The following FKBP5 variants were observed in gnomAD, a reference collection of about 807,000 sequenced individuals.
FKBP5 encodes FKBP prolyl isomerase 5.
FKBP5 carries 23 observed loss-of-function variants against 50.5 expected under a neutral mutation model. The observed-to-expected ratio is 0.46, with a 90% CI of 0.33 to 0.65. The LOEUF is 0.65. FKBP5 is among the 30% of genes least tolerant of loss of function. The probability of loss-of-function intolerance (pLI) is 0.02; values close to 1 mark genes in which losing one functional copy is unlikely to be tolerated. For synonymous variants in FKBP5, 176 were observed against 190.6 expected (o/e 0.92, Z 0.63); for missense variants, 411 against 553.1 (o/e 0.74, Z 2.58).
chr6:35,575,683 T>G lies in FKBP5; in HGVS notation c.*152A>C. The G allele has an allele frequency of 1.5e-6, 1 of 655,512 alleles. No homozygotes were observed. Among genetic ancestry groups the G allele is most frequent in the Non-Finnish European group, 2.7e-6 (1 of 366,256 alleles). The allele number at this position is 655,512 out of a possible 1,614,324, so 40.6% of individuals were successfully genotyped here. ...ACCCTCCGGGCAGCAGCAGGGGGGC[T>G]GTTTTTGGGAAGCTACTGGTTTTGC... is the stretch of plus-strand genomic sequence containing the variant. On this transcript the variant is annotated 3_prime_UTR_variant, in exon 11 of 11. Transcript: ENST00000357266.
rs78996577 is a variant in FKBP5 at position 35,586,375 on chromosome 6, A to G, written c.840+659T>C. The G allele has an allele frequency of 3.0e-3, 2,915 of 985,262 alleles. 43 individuals are homozygous for G. The African/African-American group carries it at 0.037, about 12-fold the overall frequency. The allele number at this position is 985,262 out of a possible 1,614,324, so 61.0% of individuals were successfully genotyped here. A position where few individuals can be genotyped will look rare whatever the true frequency, so the allele number is the denominator to read the frequency against. On this transcript the variant is annotated intron_variant, in intron 8 of 10. Transcript: ENST00000357266. Reference sequence around the variant, plus strand: ...CAAGTGTGCAGGAATCATCTTGGCCATTAGAAGCAATCAATACTCTCCTGT... The same window carrying G: ...CAAGTGTGCAGGAATCATCTTGGCCGTTAGAAGCAATCAATACTCTCCTGT...
chr6:35,595,313 A>G (rs1762955492), intron 6 of FKBP5, among the ~76,000 whole-genome samples: 1 of 152,136 alleles, frequency 6.6e-6, no homozygotes, highest in African/African-American at 2.4e-5. Context: ...TAATGTATAT[A>G]AACTGGTTCC....
At chr6:35,645,627 T>C (rs1348294391) in intron 1 of FKBP5, among the ~76,000 whole-genome samples, 1 of 152,194 alleles carries the variant, frequency 6.6e-6, no homozygotes, top group Admixed American at 6.5e-5. Context: ...GTCAGCCTTT[T>C]GGAATGTGAT....
intron 5 of FKBP5, among the ~76,000 whole-genome samples, chr6:35,612,937 T>C (rs1763534084): frequency 6.6e-6 from 1 of 152,220 alleles, no homozygotes; most frequent in Admixed American, 6.5e-5. Flanking sequence ...TGAAAACTAT[T>C]CCCATTTGAC....
chr6:35,723,946 T>G (rs1457638900), intron 1 of FKBP5, among the ~76,000 whole-genome samples: 2 of 152,258 alleles, frequency 1.3e-5, no homozygotes, highest in East Asian at 3.8e-4. Context: ...AAACCTAGTT[T>G]CTTGCCCTTA....
chr6:35,649,859 T>C (rs931566104), intron 1 of FKBP5, among the ~76,000 whole-genome samples: 4 of 152,220 alleles, frequency 2.6e-5, no homozygotes, highest in Non-Finnish European at 5.9e-5. Context: ...TTTAACCGTA[T>C]GGCTAAATAA....
At chr6:35,663,555 G>A (rs1412201794) in intron 1 of FKBP5, among the ~76,000 whole-genome samples, 3 of 152,086 alleles carry the variant, frequency 2.0e-5, no homozygotes, top group East Asian at 1.9e-4. Flanking sequence ...CTGATCACTC[G>A]CTATCTCTGA....
At chr6:35,621,462 A>G (rs1763836001) in intron 3 of FKBP5, among the ~76,000 whole-genome samples, 1 of 151,802 alleles carries the variant, frequency 6.6e-6, no homozygotes, top group Admixed American at 6.6e-5. Flanking sequence ...TACTAAAAAT[A>G]CAAAAATTAG....
intron 5 of FKBP5, among the ~76,000 whole-genome samples, chr6:35,614,507 T>C (rs1050115921): frequency 6.6e-6 from 1 of 152,058 alleles, no homozygotes; most frequent in African/African-American, 2.4e-5. Context: ...TTGAGTAACA[T>C]AATCACATTG....
At chr6:35,627,313 TAA>T (rs1249155706) in intron 3 of FKBP5, among the ~76,000 whole-genome samples, 4 of 152,212 alleles carry the variant, frequency 2.6e-5, no homozygotes, top group African/African-American at 9.6e-5. Flanking sequence ...GCCCAGTTTT[TAA>T]AAAGTTTTTA....
At chr6:35,604,129 TC>T (rs1232587134) in intron 5 of FKBP5, among the ~76,000 whole-genome samples, 2 of 151,968 alleles carry the variant, frequency 1.3e-5, no homozygotes, top group Non-Finnish European at 2.9e-5. Flanking sequence ...TTCCTCAGCC[TC>T]CCTAGTAGCT....
At position 35,722,076 on chromosome 6, in the gene FKBP5, C is replaced by T. The variant is rs114707126; in HGVS notation, c.-240-1528G>A. ...TATAACCTTCCTCATAGCAGCCTTC[C>T]CTGAGTACTCAGCAGACCCCCCATC... is the stretch of plus-strand genomic sequence containing the variant. On this transcript the variant is annotated intron_variant, in intron 1 of 11. Transcript: ENST00000536438. 4.0e-3 allele frequency among the ~76,000 whole-genome samples: 589 copies of T among 147,250 alleles called. 4 individuals are homozygous for T. The highest frequency in any genetic ancestry group is 0.013 in the African/African-American group (500 of 39,226).
chr6:35,665,160 T>C (rs1229225018), intron 1 of FKBP5, among the ~76,000 whole-genome samples: 1 of 152,180 alleles, frequency 6.6e-6, no homozygotes, highest in Non-Finnish European at 1.5e-5. Flanking sequence ...GAAGCCTTTC[T>C]GACACAGCAC....
At position 35,577,145 on chromosome 6, in the gene FKBP5, C is replaced by T; in HGVS notation, c.1115G>A (p.Gly372Asp). ...LLMNEFESAK[G>D]DFEKVLEVNP... ...TACTTCCAGCACTTTCTCAAAGTCA[C>T]CCTTGGCTGACTCAAACTCGTTCAT... The change falls in exon 10 of 11, where the codon GGT becomes GAT. Residue 372 changes from glycine to aspartate, a missense_variant. Coordinates refer to ENST00000357266, the MANE Select transcript of FKBP5 (RefSeq NM_004117.4). 1.9e-6 allele frequency: 3 copies of T among 1,614,158 alleles called. No homozygotes were observed. Among genetic ancestry groups the T allele is most frequent in the Non-Finnish European group, 2.5e-6 (3 of 1,180,010 alleles).
At chr6:35,633,462 G>C (rs1171916050) in intron 3 of FKBP5, among the ~76,000 whole-genome samples, 1 of 148,162 alleles carries the variant, frequency 6.7e-6, no homozygotes, top group East Asian at 2.0e-4. Flanking sequence ...AGAATCACTT[G>C]AGCCCCAGAG....
At chr6:35,625,081 C>T (rs1237125235) in intron 3 of FKBP5, among the ~76,000 whole-genome samples, 1 of 152,170 alleles carries the variant, frequency 6.6e-6, no homozygotes, top group Admixed American at 6.5e-5. Context: ...GGACCAAAAA[C>T]ATAAATATTT....
intron 3 of FKBP5, among the ~76,000 whole-genome samples, chr6:35,626,206 A>G (rs7747121): frequency 0.084 from 12,855 of 152,242 alleles, 1,178 homozygotes; most frequent in African/African-American, 0.24. Context: ...ATACAAATGT[A>G]TAATATAGCT....
At chr6:35,640,843 T>C (rs1764464918) in intron 2 of FKBP5, among the ~76,000 whole-genome samples, 1 of 152,192 alleles carries the variant, frequency 6.6e-6, no homozygotes, top group Non-Finnish European at 1.5e-5. Flanking sequence ...GGATCATCAG[T>C]ATCACTGTCT....
chr6:35,701,509 C>T (rs1193396869), intron 2 of FKBP5, among the ~76,000 whole-genome samples: 1 of 151,566 alleles, frequency 6.6e-6, no homozygotes, highest in Non-Finnish European at 1.5e-5. Context: ...TCCCAAAGTG[C>T]TGGGATTACA....
Sources: allele counts gnomAD v4.1 joint callset (sites outside exome capture counted in the v4.1 genomes callset), GRCh38; gene constraint gnomAD v4.1.1; transcripts MANE v1.5; gene names NCBI Gene and HGNC (gene_info 2026-07-23, HGNC 2026-07-21).